CCDC38: variants seen among roughly 807,000 people sequenced by gnomAD.
The protein encoded by CCDC38 is coiled-coil domain-containing protein 38.
CCDC38 carries 69 observed loss-of-function variants against 72.8 expected under a neutral mutation model. The ratio of observed to expected loss-of-function variants is 0.95; its 90% CI spans 0.78 to 1.16. CCDC38 has a LOEUF of 1.16. Ranked by LOEUF, CCDC38 falls within the 50% of genes most tolerant of loss-of-function variation. The pLI is 0.00. For synonymous variants in CCDC38, 201 were observed against 213.2 expected, an observed-to-expected ratio of 0.94 and a Z score of 0.50; for missense variants, 626 against 638.9, an observed-to-expected ratio of 0.98 and a Z score of 0.22.
chr12:95,919,488 T>C (rs1272123224), intron 2 of CCDC38: 1 of 455,656 alleles, frequency 2.2e-6, no homozygotes, highest in East Asian at 6.9e-5. Context: ...TATAGAAGTA[T>C]GGAGTATGGA....
chr12:95,881,912 C>T (rs2079704939), intron 10 of CCDC38, among the ~76,000 whole-genome samples: 1 of 152,214 alleles, frequency 6.6e-6, no homozygotes, highest in African/African-American at 2.4e-5. Context: ...TTAATGCATT[C>T]TTCTTGAGAA....
chr12:95,909,065 A>G (rs377303948), intron 4 of CCDC38, among the ~76,000 whole-genome samples: 83 of 152,320 alleles, frequency 5.4e-4, no homozygotes, highest in African/African-American at 1.9e-3. Flanking sequence ...AACTAAATGA[A>G]ATTGAGACAA....
chr12:95,880,653 CAA>C (rs34210026), intron 11 of CCDC38, among the ~76,000 whole-genome samples: 9 of 125,598 alleles, frequency 7.2e-5, no homozygotes, highest in Non-Finnish European at 8.8e-5. Flanking sequence ...AACTCCATTT[CAA>C]AAAAAAAAAA....
chr12:95,878,422 A>C, intron 12 of CCDC38, 76 bp from the exon 13 acceptor site: 1 of 1,395,862 alleles, frequency 7.2e-7, no homozygotes, highest in African/African-American at 1.4e-5. Context: ...GAGCTTTAAC[A>C]CTCTAGATCA....
intron 2 of CCDC38, chr12:95,919,729 A>G (rs60971416): frequency 0.04 from 16,851 of 416,518 alleles, 1,126 homozygotes; most frequent in African/African-American, 0.19. Flanking sequence ...ATATACCACC[A>G]TTACCCTTAC....
chr12:95,876,815 C>G (rs929289213), intron 13 of CCDC38, among the ~76,000 whole-genome samples: 1 of 152,122 alleles, frequency 6.6e-6, no homozygotes, highest in Non-Finnish European at 1.5e-5. Context: ...GTTTGAAAAT[C>G]AAGTTCATAT....
At chr12:95,897,347 G>C (rs954767282) in intron 7 of CCDC38, among the ~76,000 whole-genome samples, 1 of 152,028 alleles carries the variant, frequency 6.6e-6, no homozygotes, top group African/African-American at 2.4e-5. Flanking sequence ...GGTGACTCAC[G>C]CCTGTAATCC....
intron 3 of CCDC38, 55 bp from the exon 4 acceptor site, chr12:95,917,349 T>A: frequency 7.4e-7 from 1 of 1,344,280 alleles, no homozygotes; most frequent in African/African-American, 1.5e-5. Context: ...TATGTTATCT[T>A]AAAATTAGTG....
intron 4 of CCDC38, among the ~76,000 whole-genome samples, chr12:95,914,043 G>A (rs1396900756): frequency 6.6e-6 from 1 of 152,176 alleles, no homozygotes; most frequent in Non-Finnish European, 1.5e-5. Flanking sequence ...AAAACTTTAG[G>A]CTGGGAGTGG....
rs1177823225 is a variant in CCDC38 at position 95,881,518 on chromosome 12, T to C, written c.957A>G (p.Glu319=). 3.7e-6 allele frequency: 6 copies of C among 1,610,326 alleles called. No individual in the cohort carries two copies. Among genetic ancestry groups the C allele is most frequent in the Non-Finnish European group, 5.1e-6 (6 of 1,178,228 alleles). Residue 319 remains glutamate (E), a synonymous_variant, in exon 11 of 16, where the codon GAA becomes GAG. Coordinates refer to ENST00000344280, the MANE Select transcript of CCDC38 (RefSeq NM_182496.3). ...AESFGSEDSL[E]FLLDDEMDVD... ...CGTCCATTTCATCATCTAAAAGGAATTCCAAACTGTCTTCTGAACCGAAAC... is the reference window on the plus strand; with the variant it reads ...CGTCCATTTCATCATCTAAAAGGAACTCCAAACTGTCTTCTGAACCGAAAC...
intron 14 of CCDC38, among the ~76,000 whole-genome samples, chr12:95,871,069 T>C (rs1362633895): frequency 6.6e-6 from 1 of 152,248 alleles, no homozygotes; most frequent in African/African-American, 2.4e-5. Flanking sequence ...GCCTGAGTAC[T>C]AGTCTGCCTC....
At chr12:95,915,137 C>G (rs1474991324) in intron 4 of CCDC38, among the ~76,000 whole-genome samples, 1 of 152,226 alleles carries the variant, frequency 6.6e-6, no homozygotes, top group African/African-American at 2.4e-5. Context: ...TACTCTCTGG[C>G]TGAGTTGATA....
chr12:95,898,741 T>C lies in CCDC38; in HGVS notation c.370-10A>G. ...TGGTTGACAAAGCATACTAGGGGCATTGAAGACAGAGGTGTAAAAACATGA... is the reference window on the plus strand; with the variant it reads ...TGGTTGACAAAGCATACTAGGGGCACTGAAGACAGAGGTGTAAAAACATGA... On this transcript the variant is annotated splice_polypyrimidine_tract_variant and intron_variant, in intron 5 of 15. Coordinates refer to ENST00000344280, the MANE Select transcript of CCDC38 (RefSeq NM_182496.3). The C allele has an allele frequency of 1.2e-6, 2 of 1,611,684 alleles. No homozygotes were observed. The highest frequency in any genetic ancestry group is 2.7e-5 in the African/African-American group (2 of 74,668).
chr12:95,876,197 A>G (rs1022883761), intron 13 of CCDC38, among the ~76,000 whole-genome samples: 2 of 152,208 alleles, frequency 1.3e-5, no homozygotes, highest in African/African-American at 4.8e-5. Flanking sequence ...GCCAGACACA[A>G]AAGGACCAAT....
rs2080345561 is a variant in CCDC38 at position 95,932,226 on chromosome 12, G to A, written c.37+4247C>T. ...TGAGATCAGACTAGTTCAGGTAAGAGGTAATGGGCTCAGACCAGCATGGTA... is the reference window on the plus strand; with the variant it reads ...TGAGATCAGACTAGTTCAGGTAAGAAGTAATGGGCTCAGACCAGCATGGTA... On this transcript the variant is annotated intron_variant, in intron 2 of 15. Coordinates refer to ENST00000344280, the MANE Select transcript of CCDC38 (RefSeq NM_182496.3). Among the ~76,000 whole-genome samples, 3 of 152,240 alleles carry A rather than the reference G, an allele frequency of 2.0e-5. No homozygotes were observed. The South Asian group carries it at 6.2e-4, about 32-fold the overall frequency.
intron 1 of CCDC38, among the ~76,000 whole-genome samples, chr12:95,938,906 C>A (rs7964411): frequency 0.15 from 22,363 of 152,204 alleles, 1,978 homozygotes; most frequent in African/African-American, 0.24. Context: ...TACACGTTCA[C>A]ATCCAACTTC....
intron 2 of CCDC38, among the ~76,000 whole-genome samples, chr12:95,929,302 C>T (rs1592805680): frequency 1.3e-5 from 2 of 152,278 alleles, no homozygotes; most frequent in African/African-American, 4.8e-5. Flanking sequence ...ACCCGATTTT[C>T]GAGGTGCCAT....
chr12:95,882,300 G>T (rs1459174676), intron 10 of CCDC38, among the ~76,000 whole-genome samples: 1 of 152,044 alleles, frequency 6.6e-6, no homozygotes. Context: ...AGAGATATAT[G>T]GAAGAATGAA....
chr12:95,932,450 A>G (rs2080348037), intron 2 of CCDC38, among the ~76,000 whole-genome samples: 1 of 151,602 alleles, frequency 6.6e-6, no homozygotes. Context: ...TTCTTAAATC[A>G]TATTTGGAGT....
Sources: gnomAD v4.1 joint callset for allele counts (sites outside exome capture counted in the v4.1 genomes callset) on GRCh38, gnomAD v4.1.1 for gene constraint, MANE v1.5 for transcripts, NCBI Gene and HGNC (gene_info 2026-07-23, HGNC 2026-07-21) for gene names.